The following PLCB4 variants were observed in gnomAD, a reference collection of about 807,000 sequenced individuals.
PLCB4 encodes the protein phospholipase C beta 4.
PLCB4 carries 77 observed loss-of-function variants against 178.8 expected under a neutral mutation model. The observed-to-expected ratio is 0.43, with a 90% CI of 0.36 to 0.52. The LOEUF is 0.52. Ranked by LOEUF, PLCB4 falls within the 20% of genes least tolerant of loss-of-function variation. PLCB4 has a pLI of 0.00. For missense variants in PLCB4, 1,024 were observed against 1,453.4 expected (o/e 0.70, Z 4.80); for synonymous variants, 496 against 490.8 (o/e 1.01, Z -0.14).
intron 2 of PLCB4, among the ~76,000 whole-genome samples, chr20:9,100,917 T>G (rs1465652588): frequency 6.6e-6 from 1 of 152,174 alleles, no homozygotes; most frequent in East Asian, 1.9e-4. Context: ...CTCCGTAGAA[T>G]GCTACGGTGT....
intron 2 of PLCB4, among the ~76,000 whole-genome samples, chr20:9,133,490 CT>C (rs1485210193): frequency 6.6e-6 from 1 of 152,134 alleles, no homozygotes; most frequent in Admixed American, 6.6e-5. Flanking sequence ...TGGTCTTGAA[CT>C]GCTGACCTCT....
At chr20:9,313,345 G>T (rs762193690) in intron 4 of PLCB4, among the ~76,000 whole-genome samples, 6 of 152,162 alleles carry the variant, frequency 3.9e-5, no homozygotes, top group Non-Finnish European at 7.3e-5. Flanking sequence ...AAGGGTGCCA[G>T]ACAGATGCTG....
chr20:9,245,151 G>A (rs149292222), intron 3 of PLCB4, among the ~76,000 whole-genome samples: 75 of 152,320 alleles, frequency 4.9e-4, no homozygotes, highest in African/African-American at 1.2e-3. Context: ...AAGAGAGACA[G>A]AGAAAGAGAC....
intron 28 of PLCB4, among the ~76,000 whole-genome samples, chr20:9,425,709 A>G (rs770411523): frequency 3.9e-5 from 6 of 152,200 alleles, no homozygotes; most frequent in Non-Finnish European, 5.9e-5. Flanking sequence ...TGAAATTTCT[A>G]TGTACCATTG....
intron 1 of PLCB4, among the ~76,000 whole-genome samples, chr20:9,077,325 T>C (rs1261350384): frequency 5.3e-5 from 8 of 152,204 alleles, no homozygotes; most frequent in Non-Finnish European, 8.8e-5. Flanking sequence ...TGGAACTATT[T>C]GGTCAAAAGC....
intron 4 of PLCB4, among the ~76,000 whole-genome samples, chr20:9,318,117 C>T (rs1372647394): frequency 6.6e-6 from 1 of 151,978 alleles, no homozygotes; most frequent in Non-Finnish European, 1.5e-5. Flanking sequence ...CTATTGCACT[C>T]CAGCCTGGGT....
intron 14 of PLCB4, 146 bp from the exon 15 acceptor site, chr20:9,387,317 G>A: frequency 1.8e-6 from 1 of 543,700 alleles, no homozygotes; most frequent in Admixed American, 3.6e-5. Context: ...GTTTTAACCT[G>A]TATATGCCAT....
At chr20:9,217,221 C>A (rs547134006) in intron 2 of PLCB4, among the ~76,000 whole-genome samples, 169 bp from the exon 3 acceptor site, 1 of 152,262 alleles carries the variant, frequency 6.6e-6, no homozygotes, top group East Asian at 1.9e-4. Flanking sequence ...GATATGATGA[C>A]TGTGTGTCTG....
intron 35 of PLCB4, among the ~76,000 whole-genome samples, chr20:9,466,266 C>T (rs1345953656): frequency 6.6e-6 from 1 of 152,280 alleles, no homozygotes; most frequent in South Asian, 2.1e-4. Context: ...CTTCCTTACA[C>T]CTTATACAAA....
chr20:9,154,032 AG>A (rs2092738591), intron 2 of PLCB4, among the ~76,000 whole-genome samples: 1 of 152,198 alleles, frequency 6.6e-6, no homozygotes, highest in Non-Finnish European at 1.5e-5. Flanking sequence ...TATTCCAGTC[AG>A]ATCAGGATCC....
chr20:9,296,052 G>C (rs988922071), intron 3 of PLCB4, among the ~76,000 whole-genome samples: 1 of 151,970 alleles, frequency 6.6e-6, no homozygotes, highest in Admixed American at 6.6e-5. Flanking sequence ...AAAGAAACTA[G>C]CATCAAAGTG....
chr20:9,353,295 C>CT (rs1448043879), intron 7 of PLCB4, among the ~76,000 whole-genome samples: 2 of 152,160 alleles, frequency 1.3e-5, no homozygotes, highest in Non-Finnish European at 1.5e-5. Context: ...TCTTCACTGT[C>CT]TTTTTTCTTG....
chr20:9,221,441 A>G (rs1282325032), intron 3 of PLCB4, among the ~76,000 whole-genome samples: 1 of 152,218 alleles, frequency 6.6e-6, no homozygotes, highest in East Asian at 1.9e-4. Context: ...AAGCCGGGAA[A>G]GGGCACACAA....
At position 9,383,955 on chromosome 20, in the gene PLCB4, G is replaced by A. The variant is rs149321348; in HGVS notation, c.854-246G>A. Among the ~76,000 whole-genome samples, 20 of 152,282 alleles carry A rather than the reference G, an allele frequency of 1.3e-4. 1 individual carries two copies. Among genetic ancestry groups the A allele is most frequent in the Admixed American group, 6.5e-4 (10 of 15,294 alleles). On this transcript the variant is annotated intron_variant, in intron 13 of 39. Coordinates refer to ENST00000378473, the MANE Select transcript of PLCB4 (RefSeq NM_001377142.1). ...CCAGTGCTGTGTTTCTGAACTTGGG[G>A]GACCATGTACATCTGCCATCATGGA... is the stretch of plus-strand genomic sequence containing the variant.
chr20:9,212,202 A>G (rs534056712), intron 2 of PLCB4, among the ~76,000 whole-genome samples: 8 of 152,344 alleles, frequency 5.3e-5, no homozygotes, highest in African/African-American at 1.9e-4. Flanking sequence ...ATAAGTGGTT[A>G]TTGATTTAAG....
intron 4 of PLCB4, among the ~76,000 whole-genome samples, chr20:9,320,198 A>T (rs539985453): frequency 6.6e-5 from 10 of 152,350 alleles, no homozygotes; most frequent in Middle Eastern, 6.8e-3. Context: ...TGGATTATTC[A>T]TGAGTTTTCC....
chr20:9,332,583 G>A lies in PLCB4; in HGVS notation c.85-4543G>A, dbSNP rs191858965. Among the ~76,000 whole-genome samples the A allele has an allele frequency of 7.5e-4, 114 of 151,906 alleles. 1 individual carries two copies. The Middle Eastern group carries it at 0.014, about 18-fold the overall frequency. ...TGAGCCTGGTCTTTAGTGTCAGCTG[G>A]GTTTCATTCTAAGATCCCCCTGGAG... On this transcript the variant is annotated intron_variant, in intron 4 of 39. Transcript: ENST00000378473.
intron 4 of PLCB4, among the ~76,000 whole-genome samples, chr20:9,322,306 T>A (rs2147969160): frequency 6.6e-6 from 1 of 152,208 alleles, no homozygotes; most frequent in African/African-American, 2.4e-5. Flanking sequence ...TAAAACATAC[T>A]ATATGGAAAG....
At chr20:9,318,154 C>CA (rs559773233) in intron 4 of PLCB4, among the ~76,000 whole-genome samples, 51 of 145,846 alleles carry the variant, frequency 3.5e-4, no homozygotes, top group East Asian at 1.2e-3. Flanking sequence ...GATTCTGTCT[C>CA]AAAAAAAAAA....
Sources: gnomAD v4.1 joint callset for allele counts (sites outside exome capture counted in the v4.1 genomes callset) on GRCh38, gnomAD v4.1.1 for gene constraint, MANE v1.5 for transcripts, NCBI Gene and HGNC (gene_info 2026-07-23, HGNC 2026-07-21) for gene names.